GABRA2: variants seen among roughly 807,000 people sequenced by gnomAD.
The protein encoded by GABRA2 is gamma-aminobutyric acid receptor subunit alpha-2.
Under a neutral mutation model 48.7 loss-of-function variants are expected in GABRA2, and 16 were observed. The ratio of observed to expected loss-of-function variants is 0.33; its 90% confidence interval spans 0.22 to 0.50. GABRA2 has a LOEUF of 0.50. GABRA2 is among the 20% of genes least tolerant of loss of function. GABRA2 has a pLI of 0.98. For missense variants in GABRA2, 275 were observed against 535.6 expected (o/e 0.51, Z 4.80); for synonymous variants, 185 against 184.5 (o/e 1.00, Z -0.02).
intron 8 of GABRA2, among the ~76,000 whole-genome samples, chr4:46,275,062 C>T (rs549488494): frequency 3.3e-5 from 5 of 152,150 alleles, no homozygotes; most frequent in African/African-American, 9.6e-5. Flanking sequence ...ACGCGGCTCT[C>T]GTGGAAAAAG....
chr4:46,262,531 C>T (rs1717189893), intron 8 of GABRA2, among the ~76,000 whole-genome samples: 2 of 152,014 alleles, frequency 1.3e-5, no homozygotes, highest in African/African-American at 4.8e-5. Context: ...TTAATTTGTT[C>T]ATCATTTATT....
intron 8 of GABRA2, among the ~76,000 whole-genome samples, chr4:46,288,600 C>G (rs1722994778): frequency 6.6e-6 from 1 of 152,018 alleles, no homozygotes; most frequent in Admixed American, 6.5e-5. Flanking sequence ...AAACCCAAAA[C>G]TATAAAAAGC....
intron 4 of GABRA2, among the ~76,000 whole-genome samples, chr4:46,327,360 G>C (rs1011399371): frequency 2.6e-5 from 4 of 151,886 alleles, no homozygotes; most frequent in Non-Finnish European, 5.9e-5. Flanking sequence ...ACATTTTGGG[G>C]AATATTATTA....
Position 46,324,790 on chromosome 4 carries a change from C to G in GABRA2, c.255+7825G>C, listed in dbSNP as rs192720415. Among the ~76,000 whole-genome samples the G allele has an allele frequency of 1.4e-3, 209 of 151,830 alleles. 2 individuals carry two copies. Among genetic ancestry groups the G allele is most frequent in the African/African-American group, 4.9e-3 (204 of 41,446 alleles). The stretch of plus-strand genomic sequence containing the variant: ...CTGTCTATGTGTACTTGATGTTTAG[C>G]TCCCACTTACAAGTGAAAACATGTC... On this transcript the variant is annotated intron_variant, in intron 4 of 9. Transcript: ENST00000381620.
chr4:46,293,089 A>G (rs113449827), intron 8 of GABRA2, among the ~76,000 whole-genome samples: 2,403 of 143,622 alleles, frequency 0.017, 68 homozygotes, highest in African/African-American at 0.059. Flanking sequence ...GAGCTCTGGC[A>G]TTGGCTAATT....
chr4:46,254,250 T>A (rs113622020), intron 9 of GABRA2, among the ~76,000 whole-genome samples: 6 of 151,582 alleles, frequency 4.0e-5, no homozygotes, highest in African/African-American at 1.4e-4. Context: ...AGCCACACCA[T>A]CAGCAGGTTG....
intron 3 of GABRA2, among the ~76,000 whole-genome samples, chr4:46,381,877 A>G (rs556035902): frequency 6.6e-6 from 1 of 152,308 alleles, no homozygotes; most frequent in African/African-American, 2.4e-5. Flanking sequence ...AGGCTGGTGT[A>G]GTAATTAAAT....
At chr4:46,261,495 G>C (rs988348034) in intron 9 of GABRA2, 14 of 215,576 alleles carry the variant, frequency 6.5e-5, no homozygotes, top group Non-Finnish European at 1.2e-4. Context: ...ATGCAGTGTG[G>C]TGTTAAAACC....
At position 46,260,321 on chromosome 4, in the gene GABRA2, T is replaced by C. The variant is rs1014027862; in HGVS notation, c.1059+1605A>G. 2.0e-5 allele frequency among the ~76,000 whole-genome samples: 3 copies of C among 151,914 alleles called. No homozygotes were observed. The Admixed American group carries it at 2.0e-4, about 10-fold the overall frequency. On this transcript the variant is annotated intron_variant, in intron 9 of 9. Transcript: ENST00000381620. Reference sequence around the variant, plus strand: ...GGAACCTCAGTGATTTTGACATAGATTTATCCTGGCTATGTGTAATTTGGC... The same window carrying C: ...GGAACCTCAGTGATTTTGACATAGACTTATCCTGGCTATGTGTAATTTGGC...
chr4:46,262,193 CT>C (rs1717111902), intron 8 of GABRA2, 65 bp from the exon 9 acceptor site: 10 of 1,323,842 alleles, frequency 7.6e-6, no homozygotes. Context: ...TGGGAAGTAG[CT>C]TTTCTTTCTC....
chr4:46,285,376 G>C (rs1037256838), intron 8 of GABRA2, among the ~76,000 whole-genome samples: 1 of 151,772 alleles, frequency 6.6e-6, no homozygotes, highest in Non-Finnish European at 1.5e-5. Flanking sequence ...AAAAACATTT[G>C]TATGTTTATT....
chr4:46,332,710 G>T (rs753666120), intron 3 of GABRA2, 28 bp from the exon 4 acceptor site: 8 of 1,265,146 alleles, frequency 6.3e-6, no homozygotes, highest in Non-Finnish European at 9.2e-6. Context: ...ATTGAATATA[G>T]ATATTATATA....
intron 9 of GABRA2, among the ~76,000 whole-genome samples, chr4:46,252,454 G>C (rs541101506): frequency 6.6e-6 from 1 of 151,294 alleles, no homozygotes; most frequent in South Asian, 2.1e-4. Flanking sequence ...CTACGGGATA[G>C]GAAGTTCCTT....
intron 8 of GABRA2, among the ~76,000 whole-genome samples, chr4:46,294,116 G>A (rs1173523401): frequency 6.6e-6 from 1 of 152,110 alleles, no homozygotes; most frequent in Non-Finnish European, 1.5e-5. Flanking sequence ...CTACATCAGG[G>A]GTATATCAAC....
At chr4:46,274,633 T>C (rs1720128296) in intron 8 of GABRA2, among the ~76,000 whole-genome samples, 1 of 152,020 alleles carries the variant, frequency 6.6e-6, no homozygotes, top group Admixed American at 6.6e-5. Flanking sequence ...TTGGGGGTTG[T>C]TGGAAGGAAA....
Position 46,248,754 on chromosome 4 carries a change from A to T in GABRA2, c.*1554T>A, listed in dbSNP as rs541798495. 2.0e-5 allele frequency: 3 copies of T among 151,622 alleles called. No individual in the cohort carries two copies. In the South Asian group the frequency reaches 6.2e-4, roughly 31 times the overall value. 9.4% of individuals were successfully genotyped at this position (151,622 alleles called of 1,614,324 possible). Reference sequence around the variant, plus strand: ...TCAAATACTGTACAAAACTGCAATAAATGTTACTATTTGACTACTTATGTT... The same window carrying T: ...TCAAATACTGTACAAAACTGCAATATATGTTACTATTTGACTACTTATGTT... On this transcript the variant is annotated 3_prime_UTR_variant, in exon 10 of 10. Coordinates refer to ENST00000381620, the MANE Select transcript of GABRA2 (RefSeq NM_000807.4).
chr4:46,317,799 T>A (rs1006662265), intron 4 of GABRA2, among the ~76,000 whole-genome samples: 2 of 151,512 alleles, frequency 1.3e-5, no homozygotes, highest in Non-Finnish European at 3.0e-5. Context: ...CAAAAAAAAA[T>A]TTATAATTAT....
intron 3 of GABRA2, among the ~76,000 whole-genome samples, chr4:46,341,728 G>C (rs945601899): frequency 2.0e-5 from 3 of 151,994 alleles, no homozygotes; most frequent in African/African-American, 7.2e-5. Context: ...GCCATTTTAA[G>C]TCATTTTCAG....
intron 3 of GABRA2, among the ~76,000 whole-genome samples, chr4:46,339,316 C>T (rs1209132061): frequency 1.3e-5 from 2 of 151,660 alleles, no homozygotes; most frequent in African/African-American, 2.4e-5. Flanking sequence ...ATAGAAGAGC[C>T]GAACATTTCC....
Sources: allele counts gnomAD v4.1 joint callset (sites outside exome capture counted in the v4.1 genomes callset), GRCh38; gene constraint gnomAD v4.1.1; transcripts MANE v1.5; gene names NCBI Gene and HGNC (gene_info 2026-07-23, HGNC 2026-07-21).